PELI2: variants seen among roughly 807,000 people sequenced by gnomAD.
The protein encoded by PELI2 is pellino E3 ubiquitin protein ligase family member 2, also known as E3 ubiquitin-protein ligase pellino homolog 2.
A neutral mutation model predicts 42.3 loss-of-function variants in PELI2; 23 were observed. The observed-to-expected ratio is 0.54, with a 90% CI of 0.39 to 0.77. PELI2 has a LOEUF of 0.77. Ranked by LOEUF, PELI2 falls within the 30% of genes least tolerant of loss-of-function variation. The pLI, the probability that PELI2 is intolerant of heterozygous loss-of-function variation, is 0.00. For missense variants in PELI2, 463 were observed against 553.2 expected (o/e 0.84, Z 1.64); for synonymous variants, 245 against 212.2 (o/e 1.15, Z -1.34).
At chr14:56,118,839 C>T (rs1882949759) in intron 1 of PELI2, 102 bp downstream of exon 1, 4 of 633,000 alleles carry the variant, frequency 6.3e-6, no homozygotes, top group Non-Finnish European at 4.7e-6. Flanking sequence ...TGGGGACCGC[C>T]GGGGCGCTCG....
intron 2 of PELI2, among the ~76,000 whole-genome samples, chr14:56,271,644 A>G (rs1486686772): frequency 2.6e-5 from 4 of 152,232 alleles, no homozygotes; most frequent in African/African-American, 4.8e-5. Flanking sequence ...GCGATGCCAT[A>G]TTAAATACTG....
At chr14:56,211,398 A>G (rs12590244) in intron 2 of PELI2, among the ~76,000 whole-genome samples, 61,292 of 151,874 alleles carry the variant, frequency 0.4, 13,062 homozygotes, top group South Asian at 0.53. Flanking sequence ...TCCCTGGGTT[A>G]CCCCCTCTAC....
intron 3 of PELI2, among the ~76,000 whole-genome samples, chr14:56,281,719 A>G (rs1463882116): frequency 1.3e-5 from 2 of 152,122 alleles, no homozygotes; most frequent in African/African-American, 4.8e-5. Flanking sequence ...CTCTTTTTAA[A>G]ATACCTACAA....
At chr14:56,281,177 G>T (rs1216936626) in intron 3 of PELI2, among the ~76,000 whole-genome samples, 1 of 151,992 alleles carries the variant, frequency 6.6e-6, no homozygotes, top group Non-Finnish European at 1.5e-5. Context: ...ATTTTTATAC[G>T]TAAATAATTA....
chr14:56,182,768 G>A (rs1885631925), intron 2 of PELI2, among the ~76,000 whole-genome samples: 1 of 152,116 alleles, frequency 6.6e-6, no homozygotes, highest in Admixed American at 6.5e-5. Context: ...ATCAGTTGAT[G>A]AATAATACAA....
chr14:56,200,467 G>A (rs912865446), intron 2 of PELI2, among the ~76,000 whole-genome samples: 9 of 152,136 alleles, frequency 5.9e-5, no homozygotes, highest in African/African-American at 9.7e-5. Context: ...GTCTAATGCC[G>A]GAGCTTCCTT....
At chr14:56,293,781 T>G (rs1027729803) in intron 5 of PELI2, among the ~76,000 whole-genome samples, 2 of 152,170 alleles carry the variant, frequency 1.3e-5, no homozygotes, top group Non-Finnish European at 1.5e-5. Flanking sequence ...GTCAAGGGTA[T>G]GTGGAAAATA....
At position 56,180,004 on chromosome 14, in the gene PELI2, C is replaced by G. The variant is rs576637024; in HGVS notation, c.207+1540C>G. On this transcript the variant is annotated intron_variant, in intron 2 of 5. Transcript: ENST00000267460. The surrounding 1 kb of genome is among the most constrained non-coding windows in gnomAD (Gnocchi z 4.4). ...TTTGCAACTGTTGAGAGAAAAGTAT[C>G]TCTTCTTTAATCTTTAGCCACTGCC... is the stretch of plus-strand genomic sequence containing the variant. Among the ~76,000 whole-genome samples the G allele has an allele frequency of 3.3e-5, 5 of 152,276 alleles. No individual in the cohort carries two copies. The highest frequency in any genetic ancestry group is 1.2e-4 in the African/African-American group (5 of 41,562).
chr14:56,245,695 T>G (rs1274772221), intron 2 of PELI2, among the ~76,000 whole-genome samples: 2 of 152,208 alleles, frequency 1.3e-5, no homozygotes, highest in African/African-American at 4.8e-5. Context: ...CAACTCTCTG[T>G]CCACAGGTTC....
intron 1 of PELI2, among the ~76,000 whole-genome samples, chr14:56,138,208 A>G (rs1883754897): frequency 6.6e-6 from 1 of 152,212 alleles, no homozygotes; most frequent in South Asian, 2.1e-4. Context: ...GTTTTTGTTT[A>G]AAGTAGTCAT....
intron 2 of PELI2, among the ~76,000 whole-genome samples, chr14:56,241,125 C>T (rs992337242): frequency 2.0e-5 from 3 of 152,018 alleles, no homozygotes; most frequent in African/African-American, 7.2e-5. Context: ...GGAAATCAAC[C>T]ACATGGAGAG....
intron 2 of PELI2, among the ~76,000 whole-genome samples, chr14:56,277,364 G>T (rs915388978): frequency 2.0e-5 from 3 of 151,914 alleles, no homozygotes; most frequent in Admixed American, 2.0e-4. Flanking sequence ...AGGGATCTAG[G>T]TTGCGTGTTC....
intron 2 of PELI2, among the ~76,000 whole-genome samples, chr14:56,198,233 TAG>T (rs1886210627): frequency 1.3e-5 from 2 of 152,114 alleles, no homozygotes; most frequent in African/African-American, 4.8e-5. Context: ...GGGTCTTGTG[TAG>T]TCTGAGATGC....
chr14:56,217,857 C>T (rs1248299146), intron 2 of PELI2, among the ~76,000 whole-genome samples: 1 of 152,124 alleles, frequency 6.6e-6, no homozygotes, highest in Admixed American at 6.5e-5. Flanking sequence ...CACCAGCTCG[C>T]AGATCTGTTA....
intron 2 of PELI2, among the ~76,000 whole-genome samples, chr14:56,233,191 T>C (rs1049125415): frequency 9.2e-5 from 14 of 152,162 alleles, no homozygotes; most frequent in Non-Finnish European, 2.1e-4. Context: ...AGGTAATTTA[T>C]AGATTCAATG....
chr14:56,158,966 A>G lies in PELI2; in HGVS notation c.78-19369A>G, dbSNP rs368501539. Among the ~76,000 whole-genome samples the G allele has an allele frequency of 1.4e-4, 21 of 152,294 alleles. 1 individual carries two copies. Among genetic ancestry groups the G allele is most frequent in the Admixed American group, 8.5e-4 (13 of 15,308 alleles). On this transcript the variant is annotated intron_variant, in intron 1 of 5. Transcript: ENST00000267460. Reference sequence around the variant, plus strand: ...TCTTACAACTGATATTAAAAGGGAGACATTTGAAGTTATCCTTAATTTTAG... The same window carrying G: ...TCTTACAACTGATATTAAAAGGGAGGCATTTGAAGTTATCCTTAATTTTAG...
At chr14:56,130,442 T>A (rs1408656468) in intron 1 of PELI2, among the ~76,000 whole-genome samples, 1 of 125,608 alleles carries the variant, frequency 8.0e-6, no homozygotes, top group Non-Finnish European at 1.9e-5. Flanking sequence ...TATGTTTTTA[T>A]TTTGTTTTTT....
chr14:56,272,893 A>G (rs1035157939), intron 2 of PELI2, among the ~76,000 whole-genome samples: 1 of 152,206 alleles, frequency 6.6e-6, no homozygotes, highest in Non-Finnish European at 1.5e-5. Flanking sequence ...TAAGACGTAC[A>G]CACAGATAAC....
At position 56,288,418 on chromosome 14, in the gene PELI2, G is replaced by A. The variant is rs146304037; in HGVS notation, c.310-19G>A. ...CTGCTATTTTCCAAGTGAATCACGA[G>A]TACATTTGATTTACTTAGGTGGGCA... On this transcript the variant is annotated intron_variant, in intron 3 of 5. Coordinates refer to ENST00000267460, the MANE Select transcript of PELI2 (RefSeq NM_021255.3). This position sits in a 1 kb window ranked among gnomAD's most constrained non-coding sequence, Gnocchi z 4.6. 2,281 of 1,600,808 alleles carry A rather than the reference G, an allele frequency of 1.4e-3. 53 individuals are homozygous for A. In the Admixed American group the frequency reaches 0.035, roughly 25 times the overall value.
Sources: gnomAD v4.1 joint callset for allele counts (sites outside exome capture counted in the v4.1 genomes callset) on GRCh38, gnomAD v4.1.1 for gene constraint, Gnocchi (gnomAD v3.1) non-coding constraint, MANE v1.5 for transcripts, NCBI Gene and HGNC (gene_info 2026-07-23, HGNC 2026-07-21) for gene names.